GFPT1: variants seen among roughly 807,000 people sequenced by gnomAD.
GFPT1 encodes the protein glutamine--fructose-6-phosphate aminotransferase [isomerizing] 1.
A neutral mutation model predicts 92.0 loss-of-function variants in GFPT1; 40 were observed. That is an observed-to-expected ratio of 0.43 (90% CI 0.34 to 0.57). The LOEUF (loss-of-function observed/expected upper bound fraction) is 0.57, where lower values mean the gene tolerates loss of function less well. GFPT1 is among the 20% of genes least tolerant of loss of function. The pLI is 0.02. For missense variants in GFPT1, 448 were observed against 869.1 expected (o/e 0.52, Z 6.09); for synonymous variants, 269 against 280.6 (o/e 0.96, Z 0.41).
intron 12 of GFPT1, among the ~76,000 whole-genome samples, chr2:69,344,488 G>C (rs898020780): frequency 3.9e-5 from 6 of 152,106 alleles, no homozygotes; most frequent in African/African-American, 1.4e-4. Context: ...AGAGCACTTA[G>C]AACAATGAAT....
In GFPT1 at chr2:69,346,018, CAT is replaced by C. The variant is rs1671072181; in HGVS notation, c.1010-21_1010-20del. The stretch of plus-strand genomic sequence containing the variant: ...AAGTTGCCTATAGTAATAGAAATCA[CAT>C]AATTAAAACAAAAACAAATCAAATA... On this transcript the variant is annotated intron_variant, in intron 11 of 19. Transcript: ENST00000357308. The C allele has an allele frequency of 2.3e-6, 3 of 1,314,246 alleles. 1 individual carries two copies. The highest frequency in any genetic ancestry group is 1.1e-6 in the Non-Finnish European group (1 of 906,548). 81.4% of individuals were successfully genotyped at this position (1,314,246 alleles called of 1,614,324 possible). A position where few individuals can be genotyped will look rare whatever the true frequency, so the allele number is the denominator to read the frequency against.
intron 15 of GFPT1, among the ~76,000 whole-genome samples, chr2:69,333,073 T>C (rs1670710008): frequency 6.6e-6 from 1 of 152,190 alleles, no homozygotes; most frequent in Non-Finnish European, 1.5e-5. Context: ...AAAGTGAATT[T>C]GGAGTCCTCT....
intron 12 of GFPT1, among the ~76,000 whole-genome samples, chr2:69,344,431 C>T (rs1389512503): frequency 6.6e-6 from 1 of 152,052 alleles, no homozygotes; most frequent in East Asian, 1.9e-4. Flanking sequence ...GGTAAGCCAT[C>T]ACTACAGGCA....
intron 19 of GFPT1, 74 bp downstream of exon 19, chr2:69,326,840 A>G (rs892852657): frequency 1.4e-6 from 2 of 1,424,326 alleles, no homozygotes; most frequent in Non-Finnish European, 2.0e-6. Flanking sequence ...ATTGTTAAAA[A>G]TTTAGGAGAA....
intron 4 of GFPT1, among the ~76,000 whole-genome samples, chr2:69,362,062 T>C (rs765704987): frequency 6.6e-6 from 1 of 152,218 alleles, no homozygotes; most frequent in Non-Finnish European, 1.5e-5. Context: ...TGCTTATTTT[T>C]TTTAAATGAA....
At chr2:69,371,073 T>G (rs1303256232) in intron 2 of GFPT1, among the ~76,000 whole-genome samples, 17 of 148,244 alleles carry the variant, frequency 1.1e-4, no homozygotes, top group Admixed American at 1.1e-3. Context: ...TTTCTTTTCT[T>G]TTCTTTTTTT....
intron 15 of GFPT1, among the ~76,000 whole-genome samples, chr2:69,335,141 G>A (rs1225988526): frequency 1.3e-5 from 2 of 151,820 alleles, no homozygotes; most frequent in African/African-American, 4.8e-5. Flanking sequence ...TGAGTAGCTG[G>A]GACTACACGC....
At chr2:69,328,894 G>A (rs1360896346) in intron 17 of GFPT1, among the ~76,000 whole-genome samples, 3 of 151,760 alleles carry the variant, frequency 2.0e-5, no homozygotes, top group Non-Finnish European at 1.5e-5. Context: ...GTAGAGATGG[G>A]GTTTCACCAC....
chr2:69,385,030 G>A (rs1282752156), intron 1 of GFPT1, among the ~76,000 whole-genome samples: 1 of 152,072 alleles, frequency 6.6e-6, no homozygotes, highest in Non-Finnish European at 1.5e-5. Context: ...AGGCAAAACC[G>A]TGGTATGACT....
intron 1 of GFPT1, among the ~76,000 whole-genome samples, chr2:69,377,735 G>A (rs894957462): frequency 1.3e-5 from 2 of 152,190 alleles, no homozygotes; most frequent in African/African-American, 2.4e-5. Flanking sequence ...AGACATACCT[G>A]ATGAGGAAAA....
chr2:69,377,773 T>C (rs1159974303), intron 1 of GFPT1, among the ~76,000 whole-genome samples: 1 of 152,346 alleles, frequency 6.6e-6, no homozygotes, highest in East Asian at 1.9e-4. Context: ...AACCTGTCAG[T>C]TTCATAGCCC....
intron 1 of GFPT1, among the ~76,000 whole-genome samples, chr2:69,382,433 CTCT>C (rs1354884927): frequency 6.6e-6 from 1 of 152,152 alleles, no homozygotes; most frequent in Non-Finnish European, 1.5e-5. Context: ...TCCCAAAATC[CTCT>C]TCTTTTTCAT....
chr2:69,326,167 G>A lies in GFPT1; in HGVS notation c.*22C>T, dbSNP rs199678034. On this transcript the variant is annotated 3_prime_UTR_variant, in exon 20 of 20. Coordinates refer to ENST00000357308, the MANE Select transcript of GFPT1 (RefSeq NM_001244710.2). ...TTGTGTTGCTTAATCATACAGTTTC[G>A]TACATTTTGTATAGATATTCCTCAC... The A allele has an allele frequency of 2.6e-5, 40 of 1,511,468 alleles. No individual in the cohort carries two copies. In the Admixed American group the frequency reaches 4.2e-4, roughly 16 times the overall value. 93.6% of individuals were successfully genotyped at this position (1,511,468 alleles called of 1,614,324 possible). A position where few individuals can be genotyped will look rare whatever the true frequency, so the allele number is the denominator to read the frequency against.
intron 4 of GFPT1, among the ~76,000 whole-genome samples, chr2:69,362,866 G>T (rs1671510110): frequency 6.6e-6 from 1 of 152,058 alleles, no homozygotes; most frequent in Admixed American, 6.6e-5. Context: ...ACAACTGCAT[G>T]GAGAAAGACT....
intron 12 of GFPT1, 45 bp from the exon 13 acceptor site, chr2:69,342,294 G>C (rs1296462918): frequency 8.6e-7 from 1 of 1,167,816 alleles, no homozygotes; most frequent in South Asian, 1.2e-5. Context: ...AAAGAACCAT[G>C]TGAACTAGGC....
chr2:69,358,446 G>A lies in GFPT1; in HGVS notation c.426C>T (p.Asp142=), dbSNP rs1247157002. The A allele has an allele frequency of 6.2e-7, 1 of 1,607,308 alleles. No individual in the cohort carries two copies. Among genetic ancestry groups the A allele is most frequent in the African/African-American group, 1.3e-5 (1 of 74,832 alleles). The change falls in exon 6 of 20, where the codon GAC becomes GAT. Residue 142 remains aspartate (D), a synonymous_variant. Coordinates refer to ENST00000357308, the MANE Select transcript of GFPT1 (RefSeq NM_001244710.2). ...TCTCTGTGTCTGTTTCAGATTCGAA[G>A]TCATAGCCTTTGCTTTCCTGTAAGT... ...LKKFLESKGY[D]FESETDTETI...
intron 4 of GFPT1, among the ~76,000 whole-genome samples, chr2:69,361,560 T>C (rs932897929): frequency 1.3e-5 from 2 of 152,160 alleles, no homozygotes; most frequent in Non-Finnish European, 2.9e-5. Flanking sequence ...ATGTAAGTTT[T>C]CGGGAATCTT....
At chr2:69,376,765 T>C (rs1671881700) in intron 1 of GFPT1, among the ~76,000 whole-genome samples, 2 of 152,240 alleles carry the variant, frequency 1.3e-5, no homozygotes, top group East Asian at 3.9e-4. Flanking sequence ...GTAAGCCAGA[T>C]GATAAAAATG....
Position 69,320,884 on chromosome 2 carries a change from G to C in GFPT1, c.*5305C>G, listed in dbSNP as rs894848385. The C allele has an allele frequency of 1.3e-5, 2 of 152,174 alleles. No homozygotes were observed. The highest frequency in any genetic ancestry group is 2.4e-5 in the African/African-American group (1 of 41,428). The allele number at this position is 152,174 out of a possible 1,614,324, so 9.4% of individuals were successfully genotyped here. A position where few individuals can be genotyped will look rare whatever the true frequency, so the allele number is the denominator to read the frequency against. Reference sequence around the variant, plus strand: ...AGAAGAGAGAGGGAGAGGTGGAGGAGGGAGAGAGAGAGAGAGACCAAAGAC... The same window carrying C: ...AGAAGAGAGAGGGAGAGGTGGAGGACGGAGAGAGAGAGAGAGACCAAAGAC... On this transcript the variant is annotated 3_prime_UTR_variant, in exon 20 of 20. Transcript: ENST00000357308.
Sources: allele counts gnomAD v4.1 joint callset (sites outside exome capture counted in the v4.1 genomes callset), GRCh38; gene constraint gnomAD v4.1.1; transcripts MANE v1.5; gene names NCBI Gene and HGNC (gene_info 2026-07-23, HGNC 2026-07-21).